LRRC75A: variants seen among roughly 807,000 people sequenced by gnomAD.
LRRC75A encodes leucine rich repeat containing 75A, also known as leucine-rich repeat-containing protein 75A.
Under a neutral mutation model 26.0 loss-of-function variants are expected in LRRC75A, and 12 were observed. That is an observed-to-expected ratio of 0.46 (90% CI 0.30 to 0.75). LRRC75A has a LOEUF of 0.75. Among genes scored for constraint, LRRC75A ranks in the 30% least tolerant of loss-of-function variants. The probability of loss-of-function intolerance (pLI) is 0.08; values close to 1 mark genes in which losing one functional copy is unlikely to be tolerated. For synonymous variants in LRRC75A, 223 were observed against 219.3 expected, an observed-to-expected ratio of 1.02 and a Z score of -0.15; for missense variants, 410 against 486.6, an observed-to-expected ratio of 0.84 and a Z score of 1.48.
Position 16,462,473 on chromosome 17 carries a change from T to C in LRRC75A, c.247-87A>G. On this transcript the variant is annotated intron_variant, in intron 1 of 3. Transcript: ENST00000470794. The surrounding 1 kb of genome is among the most constrained non-coding windows in gnomAD (Gnocchi z 4.6). Reference sequence around the variant, plus strand: ...CCCAAGAGAAGTAGGCACAGACCCCTAGAGGCGACTCTGCCTCCCAGAGCC... The same window carrying C: ...CCCAAGAGAAGTAGGCACAGACCCCCAGAGGCGACTCTGCCTCCCAGAGCC... 7 of 1,552,156 alleles carry C rather than the reference T, an allele frequency of 4.5e-6. No homozygotes were observed. Among genetic ancestry groups the C allele is most frequent in the Non-Finnish European group, 6.1e-6 (7 of 1,147,318 alleles).
intron 2 of LRRC75A, among the ~76,000 whole-genome samples, chr17:16,460,078 G>T (rs2093716030): frequency 6.6e-6 from 1 of 152,114 alleles, no homozygotes; most frequent in African/African-American, 2.4e-5. Flanking sequence ...ATTAGGCCAG[G>T]GGGGTGGAGC....
intron 1 of LRRC75A, among the ~76,000 whole-genome samples, chr17:16,482,080 C>T (rs2093835473): frequency 6.6e-6 from 1 of 152,176 alleles, no homozygotes. Flanking sequence ...CCCTTACCTG[C>T]CCCCGGTGCC....
Position 16,465,232 on chromosome 17 carries a change from T to A in LRRC75A, c.247-2846A>T, listed in dbSNP as rs1281529319. Among the ~76,000 whole-genome samples the A allele has an allele frequency of 3.3e-5, 5 of 152,144 alleles. No homozygotes were observed. In the East Asian group the frequency reaches 9.6e-4, roughly 29 times the overall value. On this transcript the variant is annotated intron_variant, in intron 1 of 3. Coordinates refer to ENST00000470794, the MANE Select transcript of LRRC75A (RefSeq NM_001113567.3). ...TGTGAGCACCCCTGGCACCTAGTGG[T>A]CTCCCCCTTACAATTGTCCCTGCAG...
Position 16,443,800 on chromosome 17 carries a change from A to C in LRRC75A, c.823T>G (p.Phe275Val). Reference sequence around the variant, plus strand: ...AGCAGGAAGGGCTGGGGCAAGGAGAAGATGTCCACGTTGTTGCCCAGGTCA... The same window carrying C: ...AGCAGGAAGGGCTGGGGCAAGGAGACGATGTCCACGTTGTTGCCCAGGTCA... ...WIDLGNNVDI[F>V]SLPQPFLLSL... Residue 275 changes from phenylalanine (F) to valine (V), a missense_variant, in exon 4 of 4, where the codon TTC becomes GTC. Coordinates refer to ENST00000470794, the MANE Select transcript of LRRC75A (RefSeq NM_001113567.3). 1 of 1,613,876 alleles carries C rather than the reference A, an allele frequency of 6.2e-7. No homozygotes were observed. Among genetic ancestry groups the C allele is most frequent in the Non-Finnish European group, 8.5e-7 (1 of 1,179,770 alleles).
intron 2 of LRRC75A, among the ~76,000 whole-genome samples, chr17:16,460,600 C>A (rs1185790509): frequency 6.6e-6 from 1 of 152,236 alleles, no homozygotes; most frequent in Non-Finnish European, 1.5e-5. Context: ...CCAGGGACCA[C>A]CGGCCTGTGT....
chr17:16,462,207 C>A lies in LRRC75A; in HGVS notation c.375+51G>T, dbSNP rs369723391. 5 of 1,606,634 alleles carry A rather than the reference C, an allele frequency of 3.1e-6. No homozygotes were observed. In the African/African-American group the frequency reaches 5.3e-5, roughly 17 times the overall value. ...CATACAGCTGCTCTGCCCAGAAAGG[C>A]ACCCACCGCACACCCCGGGACCTGG... is the stretch of plus-strand genomic sequence containing the variant. On this transcript the variant is annotated intron_variant, in intron 2 of 3. Transcript: ENST00000470794. This position sits in a 1 kb window ranked among gnomAD's most constrained non-coding sequence, Gnocchi z 4.6.
At chr17:16,474,378 C>T (rs946360780) in intron 1 of LRRC75A, among the ~76,000 whole-genome samples, 14 of 152,210 alleles carry the variant, frequency 9.2e-5, no homozygotes, top group South Asian at 2.1e-4. Context: ...TCCTGCTGGA[C>T]GTTTCAGCTA....
At chr17:16,478,723 C>T (rs1037689786) in intron 1 of LRRC75A, 4 of 152,236 alleles carry the variant, frequency 2.6e-5, no homozygotes, top group Non-Finnish European at 4.4e-5. Context: ...CCAAACCAAC[C>T]CCTCTGAGTT....
At chr17:16,476,021 T>C (rs2093818929) in intron 1 of LRRC75A, among the ~76,000 whole-genome samples, 1 of 151,988 alleles carries the variant, frequency 6.6e-6, no homozygotes, top group African/African-American at 2.4e-5. Flanking sequence ...TGAAACCCCA[T>C]CTCTACTAAA....
intron 1 of LRRC75A, among the ~76,000 whole-genome samples, chr17:16,480,240 A>G (rs1601199066): frequency 6.6e-6 from 1 of 152,200 alleles, no homozygotes; most frequent in Non-Finnish European, 1.5e-5. Context: ...AAAGTACACA[A>G]TAAGTGTAAT....
At chr17:16,477,489 G>A (rs963181377) in intron 1 of LRRC75A, among the ~76,000 whole-genome samples, 1 of 152,224 alleles carries the variant, frequency 6.6e-6, no homozygotes, top group Admixed American at 6.5e-5. Context: ...GAGACCAGGC[G>A]GGATAGAGGA....
In LRRC75A at chr17:16,462,128, G is replaced by A. The variant is rs755305991; in HGVS notation, c.375+130C>T. On this transcript the variant is annotated intron_variant, in intron 2 of 3. Coordinates refer to ENST00000470794, the MANE Select transcript of LRRC75A (RefSeq NM_001113567.3). The surrounding 1 kb of genome is among the most constrained non-coding windows in gnomAD (Gnocchi z 4.6). ...CAAGGGAGAGCACCTCAAGCTCTTG[G>A]TGCCTGGAGGACGGGCTTGTCCTCC... 28 of 1,203,666 alleles carry A rather than the reference G, an allele frequency of 2.3e-5. No homozygotes were observed. The highest frequency in any genetic ancestry group is 4.6e-5 in the African/African-American group (3 of 65,474). The allele number at this position is 1,203,666 out of a possible 1,614,324, so 74.6% of individuals were successfully genotyped here. A position where few individuals can be genotyped will look rare whatever the true frequency, so the allele number is the denominator to read the frequency against.
At chr17:16,450,436 C>CCCTGCCCCCAGCT (rs2093622152) in intron 2 of LRRC75A, among the ~76,000 whole-genome samples, 1 of 152,080 alleles carries the variant, frequency 6.6e-6, no homozygotes, top group African/African-American at 2.4e-5. Context: ...CCATCCCCAC[C>CCCTGCCCCCAGCT]CCTGCCCCCA....
chr17:16,456,299 AAG>A (rs760908605), intron 2 of LRRC75A, among the ~76,000 whole-genome samples: 14 of 124,558 alleles, frequency 1.1e-4, no homozygotes, highest in Non-Finnish European at 2.0e-4. Context: ...GAAGAGAAGG[AAG>A]AGGAGGAGGA....
chr17:16,456,042 G>A (rs11870279), intron 2 of LRRC75A, among the ~76,000 whole-genome samples: 31,405 of 150,212 alleles, frequency 0.21, 3,706 homozygotes, highest in Middle Eastern at 0.3. Flanking sequence ...GGTGGGGAAC[G>A]GGGGGAGGGA....
chr17:16,444,160 AG>A, intron 3 of LRRC75A, 29 bp from the exon 4 acceptor site: 1 of 1,540,052 alleles, frequency 6.5e-7, no homozygotes. Context: ...AACAAGGCTC[AG>A]GCACATAGGG....
intron 2 of LRRC75A, among the ~76,000 whole-genome samples, chr17:16,452,089 C>T (rs1169168598): frequency 6.7e-6 from 1 of 149,496 alleles, no homozygotes; most frequent in Non-Finnish European, 1.5e-5. Flanking sequence ...CTGTGGCTCA[C>T]TCTTGTAATC....
Position 16,444,101 on chromosome 17 carries a change from T to C in LRRC75A, c.522A>G (p.Pro174=), listed in dbSNP as rs1223340830. The C allele has an allele frequency of 6.2e-7, 1 of 1,606,854 alleles. No individual in the cohort carries two copies. Among genetic ancestry groups the C allele is most frequent in the Admixed American group, 1.7e-5 (1 of 59,644 alleles). Residue 174 remains proline, a synonymous_variant, in exon 4 of 4, where the codon CCA becomes CCG. Transcript: ENST00000470794. ...CLKAVLAGSP[P]DNTVDLSGIP... ...TTCCCGACAGGTCCACTGTGTTGTC[T>C]GGGGGGCTTCCGGCCAGGACAGCCT... is the stretch of plus-strand genomic sequence containing the variant.
chr17:16,473,398 G>A (rs1053551929), intron 1 of LRRC75A, among the ~76,000 whole-genome samples: 1 of 152,024 alleles, frequency 6.6e-6, no homozygotes, highest in Non-Finnish European at 1.5e-5. Flanking sequence ...TGAAGGTGAG[G>A]CCTCCTCACA....
Sources: gnomAD v4.1 joint callset for allele counts (sites outside exome capture counted in the v4.1 genomes callset) on GRCh38, gnomAD v4.1.1 for gene constraint, Gnocchi (gnomAD v3.1) non-coding constraint, MANE v1.5 for transcripts, NCBI Gene and HGNC (gene_info 2026-07-23, HGNC 2026-07-21) for gene names.